The following SLC19A1 variants were observed in gnomAD, a reference collection of about 807,000 sequenced individuals.
The protein encoded by SLC19A1 is solute carrier family 19 member 1, also known as reduced folate transporter.
SLC19A1 carries 37 observed loss-of-function variants against 35.3 expected under a neutral mutation model. The ratio of observed to expected loss-of-function variants is 1.05; its 90% CI spans 0.81 to 1.38. SLC19A1 has a LOEUF of 1.38. Ranked by LOEUF, SLC19A1 falls within the 40% of genes most tolerant of loss-of-function variation. The pLI is 0.00. For missense variants in SLC19A1, 831 were observed against 826.9 expected, an observed-to-expected ratio of 1.00 and a Z score of -0.06; for synonymous variants, 460 against 398.5, an observed-to-expected ratio of 1.15 and a Z score of -1.84.
chr21:45,552,244 T>A (rs1296245532), intron 1 of SLC19A1, among the ~76,000 whole-genome samples: 1 of 152,148 alleles, frequency 6.6e-6, no homozygotes, highest in Non-Finnish European at 1.5e-5. Flanking sequence ...TGCTGCTGCA[T>A]CTGTGTCTGC....
intron 3 of SLC19A1, chr21:45,502,746 C>G (rs1022044972): frequency 8.5e-5 from 13 of 152,146 alleles, no homozygotes; most frequent in Non-Finnish European, 1.6e-4. Flanking sequence ...GTGGAGGGAC[C>G]CTCAAGTCAG....
intron 4 of SLC19A1, among the ~76,000 whole-genome samples, chr21:45,526,761 A>T (rs986366023): frequency 6.6e-6 from 1 of 152,214 alleles, no homozygotes; most frequent in Admixed American, 6.5e-5. Context: ...TAGTAGAGAC[A>T]GAGTTTCACC....
Position 45,531,908 on chromosome 21 carries a change from CGA to C in SLC19A1, c.428_429del (p.Leu143ArgfsTer250), listed in dbSNP as rs1569003067. On this transcript the variant is annotated frameshift_variant, in exon 3 of 6. Transcript: ENST00000311124. LOFTEE classifies it high-confidence loss of function. ...ACACGCTGGTAGCGCGCGGGCCGCA[CGA>C]GAGAGAAGATGTAGGAGGAATAGGC... ...RIAYSSYIFS[L>X]VRPARYQRVA... 2 of 1,592,740 alleles carry C rather than the reference CGA, an allele frequency of 1.3e-6. No homozygotes were observed. The highest frequency in any genetic ancestry group is 3.5e-5 in the Admixed American group (2 of 56,560).
At chr21:45,557,037 C>T (rs1490674372) in intron 1 of SLC19A1, among the ~76,000 whole-genome samples, 1 of 152,206 alleles carries the variant, frequency 6.6e-6, no homozygotes, top group African/African-American at 2.4e-5. Flanking sequence ...TGTAACCTCC[C>T]CTGGGCTCAG....
intron 1 of SLC19A1, among the ~76,000 whole-genome samples, chr21:45,558,506 TGG>T (rs1348392475): frequency 6.6e-6 from 1 of 152,148 alleles, no homozygotes; most frequent in Non-Finnish European, 1.5e-5. Flanking sequence ...ATGCAGCAGG[TGG>T]GGCTGTGACC....
Position 45,515,183 on chromosome 21 carries a change from T to C in SLC19A1, c.*475A>G. 6.6e-7 allele frequency: 1 copy of C among 1,520,824 alleles called. No individual in the cohort carries two copies. Among genetic ancestry groups the C allele is most frequent in the East Asian group, 2.5e-5 (1 of 40,390 alleles). 94.2% of individuals were successfully genotyped at this position (1,520,824 alleles called of 1,614,324 possible). A position where few individuals can be genotyped will look rare whatever the true frequency, so the allele number is the denominator to read the frequency against. Reference sequence around the variant, plus strand: ...TCAGTTAAAAAAAAAAAAAGCATCTTTCAAAAAAGCAAGAGCACCAAGGAT... The same window carrying C: ...TCAGTTAAAAAAAAAAAAAGCATCTCTCAAAAAAGCAAGAGCACCAAGGAT... On this transcript the variant is annotated 3_prime_UTR_variant, in exon 6 of 6. Coordinates refer to ENST00000311124, the MANE Select transcript of SLC19A1 (RefSeq NM_194255.4).
rs1405366407 is a variant in SLC19A1 at position 45,513,958 on chromosome 21, A to G, written c.*1700T>C. On this transcript the variant is annotated 3_prime_UTR_variant, in exon 6 of 6. Coordinates refer to ENST00000311124, the MANE Select transcript of SLC19A1 (RefSeq NM_194255.4). ...GGCATGCACGGGTGTGTGGACACAC[A>G]CCAACACTCTTAGGTCTCTCCTCAC... The G allele has an allele frequency of 6.6e-6, 1 of 152,246 alleles. No individual in the cohort carries two copies. Among genetic ancestry groups the G allele is most frequent in the African/African-American group, 2.4e-5 (1 of 41,438 alleles). 9.4% of individuals were successfully genotyped at this position (152,246 alleles called of 1,614,324 possible). A position where few individuals can be genotyped will look rare whatever the true frequency, so the allele number is the denominator to read the frequency against.
chr21:45,512,556 G>A, downstream of SLC19A1: 3 of 692,672 alleles, frequency 4.3e-6, no homozygotes, highest in East Asian at 8.1e-5. Context: ...ATAAAAGGAA[G>A]CCAAAGAGTG....
At chr21:45,549,083 AG>A (rs1476091057), upstream of SLC19A1, among the ~76,000 whole-genome samples, 8 of 152,376 alleles carry the variant, frequency 5.3e-5, no homozygotes, top group African/African-American at 1.9e-4. Flanking sequence ...GCCCATGCAC[AG>A]GGGTTGTACC....
chr21:45,529,139 G>A (rs950545269), intron 4 of SLC19A1, among the ~76,000 whole-genome samples: 8 of 151,934 alleles, frequency 5.3e-5, no homozygotes, highest in Non-Finnish European at 8.8e-5. Flanking sequence ...TGGAGAAGGC[G>A]GCCACACAGG....
At chr21:45,528,245 G>GCCCAGGCCAGCC (rs1447506580) in intron 4 of SLC19A1, among the ~76,000 whole-genome samples, 146 of 152,274 alleles carry the variant, frequency 9.6e-4, no homozygotes, top group Middle Eastern at 6.8e-3. Context: ...GCAGGGCAGA[G>GCCCAGGCCAGCC]CCCAGGCCAG....
At chr21:45,544,946 C>T (rs564291751), upstream of SLC19A1, among the ~76,000 whole-genome samples, 7 of 152,362 alleles carry the variant, frequency 4.6e-5, no homozygotes, top group South Asian at 2.1e-4. Context: ...GCTGGAGAGA[C>T]GCAGGGCTGT....
chr21:45,505,301 C>A, intron 3 of SLC19A1: 1 of 1,605,386 alleles, frequency 6.2e-7, no homozygotes, highest in Non-Finnish European at 8.5e-7. Flanking sequence ...GGAGTGGGCC[C>A]CGGGCAGAGG....
At position 45,512,575 on chromosome 21, in the gene SLC19A1, TAA is replaced by T; in HGVS notation, c.*3081_*3082del. Reference sequence around the variant, plus strand: ...AAGGAAGCCAAAGAGTGTATTTTTTTAAAAGTTTAAAACAGAAGCCTGATGCT... The same window carrying T: ...AAGGAAGCCAAAGAGTGTATTTTTTTAAGTTTAAAACAGAAGCCTGATGCT... On this transcript the variant is annotated 3_prime_UTR_variant, in exon 6 of 6. Transcript: ENST00000311124. 1 of 658,896 alleles carries T rather than the reference TAA, an allele frequency of 1.5e-6. No individual in the cohort carries two copies. Among genetic ancestry groups the T allele is most frequent in the African/African-American group, 1.8e-5 (1 of 54,998 alleles). The allele number at this position is 658,896 out of a possible 1,614,324, so 40.8% of individuals were successfully genotyped here.
chr21:45,528,570 G>A (rs11089010), intron 4 of SLC19A1, among the ~76,000 whole-genome samples: 141,217 of 152,174 alleles, frequency 0.93, 65,573 homozygotes, highest in East Asian at 1. Context: ...GGCCTGCAGG[G>A]TACCTGCAAT....
In SLC19A1 at chr21:45,533,804, G is replaced by A. The variant is rs1416486014; in HGVS notation, c.190-1656C>T. Among the ~76,000 whole-genome samples, 1 of 152,076 alleles carries A rather than the reference G, an allele frequency of 6.6e-6. No homozygotes were observed. The highest frequency in any genetic ancestry group is 1.5e-5 in the Non-Finnish European group (1 of 67,994). On this transcript the variant is annotated intron_variant, in intron 2 of 5. Coordinates refer to ENST00000311124, the MANE Select transcript of SLC19A1 (RefSeq NM_194255.4). The surrounding 1 kb of genome is among the most constrained non-coding windows in gnomAD (Gnocchi z 4.5). ...CTGCGCCGAGCCACGCCGCCTCCCC[G>A]GGGGCTCTCAGCCTCGTGTCTGGCA...
Position 45,517,999 on chromosome 21 carries a change from T to C in SLC19A1, c.1294-1859A>G, listed in dbSNP as rs1249927909. Among the ~76,000 whole-genome samples, 1 of 152,168 alleles carries C rather than the reference T, an allele frequency of 6.6e-6. No individual in the cohort carries two copies. The highest frequency in any genetic ancestry group is 1.5e-5 in the Non-Finnish European group (1 of 68,038). ...CTCACTAAAAAATCCCTTGGCACAC[T>C]AAACCACAAAGATCTCAAACTGAAA... On this transcript the variant is annotated intron_variant, in intron 5 of 5. Coordinates refer to ENST00000311124, the MANE Select transcript of SLC19A1 (RefSeq NM_194255.4). The surrounding 1 kb of genome is among the most constrained non-coding windows in gnomAD (Gnocchi z 4.4).
chr21:45,542,673 CT>C (rs1263788677), upstream of SLC19A1, among the ~76,000 whole-genome samples: 1 of 151,478 alleles, frequency 6.6e-6, no homozygotes, highest in African/African-American at 2.4e-5. Context: ...GGGCCGCCCC[CT>C]GACCCCGACC....
intron 2 of SLC19A1, 22 bp from the exon 3 acceptor site, chr21:45,532,170 C>A: frequency 1.9e-6 from 3 of 1,560,074 alleles, no homozygotes; most frequent in Non-Finnish European, 1.7e-6. Context: ...CGGGCGTGCG[C>A]CCCACCAGGT....
Sources: allele counts gnomAD v4.1 joint callset (sites outside exome capture counted in the v4.1 genomes callset), GRCh38; gene constraint gnomAD v4.1.1; non-coding constraint Gnocchi (gnomAD v3.1); transcripts MANE v1.5; gene names NCBI Gene and HGNC (gene_info 2026-07-23, HGNC 2026-07-21).